ARID2: variants seen among roughly 807,000 people sequenced by gnomAD.
ARID2 encodes AT-rich interaction domain 2.
A neutral mutation model predicts 184.6 loss-of-function variants in ARID2; 32 were observed. The ratio of observed to expected loss-of-function variants is 0.17; its 90% confidence interval spans 0.13 to 0.23. ARID2 has a LOEUF of 0.23. Ranked by LOEUF, ARID2 falls within the 10% of genes least tolerant of loss-of-function variation. The probability of loss-of-function intolerance (pLI) is 1.00; values close to 1 mark genes in which losing one functional copy is unlikely to be tolerated. For synonymous variants in ARID2, 836 were observed against 772.6 expected (o/e 1.08, Z -1.36); for missense variants, 1,696 against 2,197.6 (o/e 0.77, Z 4.56).
chr12:45,839,610 C>G, intron 11 of ARID2, 114 bp downstream of exon 11: 1 of 1,235,538 alleles, frequency 8.1e-7, no homozygotes, highest in Non-Finnish European at 1.1e-6. Flanking sequence ...TATAGTAGGC[C>G]AAAGTGGAAT....
At chr12:45,804,029 A>G (rs1396635698) in intron 3 of ARID2, among the ~76,000 whole-genome samples, 1 of 152,186 alleles carries the variant, frequency 6.6e-6, no homozygotes, top group Non-Finnish European at 1.5e-5. Context: ...GAGAGGAGAC[A>G]GTGTCAATGC....
At chr12:45,797,423 T>C (rs1942410946) in intron 3 of ARID2, among the ~76,000 whole-genome samples, 1 of 151,992 alleles carries the variant, frequency 6.6e-6, no homozygotes. Flanking sequence ...TTAGTAGAGA[T>C]GGGTTTCGCC....
intron 3 of ARID2, among the ~76,000 whole-genome samples, chr12:45,735,381 C>T (rs1338424492): frequency 1.3e-5 from 2 of 150,504 alleles, no homozygotes; most frequent in Non-Finnish European, 3.0e-5. Flanking sequence ...ATAAGTTATT[C>T]ATGCATGTAT....
chr12:45,811,579 A>T (rs369618474), intron 4 of ARID2, 28 bp downstream of exon 4: 1 of 1,607,066 alleles, frequency 6.2e-7, no homozygotes, highest in Non-Finnish European at 8.5e-7. Context: ...TTAACAGGAT[A>T]TATGTCCGCA....
At position 45,846,786 on chromosome 12, in the gene ARID2, A is replaced by T. The variant is rs991602389; in HGVS notation, c.1499-70A>T. The T allele has an allele frequency of 2.1e-6, 3 of 1,457,924 alleles. No homozygotes were observed. In the African/African-American group the frequency reaches 4.2e-5, roughly 20 times the overall value. The allele number at this position is 1,457,924 out of a possible 1,614,324, so 90.3% of individuals were successfully genotyped here. A position where few individuals can be genotyped will look rare whatever the true frequency, so the allele number is the denominator to read the frequency against. On this transcript the variant is annotated intron_variant, in intron 11 of 20. Transcript: ENST00000334344. Reference sequence around the variant, plus strand: ...CATTGTGTTAATGGGTTCAATATCCATAAAAAAAAGTATGGCAAATAGTGA... The same window carrying T: ...CATTGTGTTAATGGGTTCAATATCCTTAAAAAAAAGTATGGCAAATAGTGA...
intron 11 of ARID2, chr12:45,842,122 G>C (rs987594301): frequency 6.6e-6 from 1 of 151,758 alleles, no homozygotes; most frequent in African/African-American, 2.4e-5. Flanking sequence ...AGCTGAGCAT[G>C]GTGATGCATG....
intron 16 of ARID2, among the ~76,000 whole-genome samples, chr12:45,863,815 C>G (rs1943789975): frequency 1.4e-5 from 2 of 147,062 alleles, no homozygotes; most frequent in South Asian, 4.3e-4. Flanking sequence ...ATTTATAATT[C>G]TCCTTTTTTT....
intron 16 of ARID2, among the ~76,000 whole-genome samples, chr12:45,890,584 ATG>A (rs1394590412): frequency 6.6e-6 from 1 of 152,212 alleles, no homozygotes; most frequent in Non-Finnish European, 1.5e-5. Flanking sequence ...CTAAAACAAA[ATG>A]TATTTACTGA....
At position 45,852,541 on chromosome 12, in the gene ARID2, C is replaced by T. The variant is rs764728025; in HGVS notation, c.4418C>T (p.Ser1473Phe). 1.2e-5 allele frequency: 19 copies of T among 1,614,162 alleles called. 1 individual carries two copies. The South Asian group carries it at 1.8e-4, about 15-fold the overall frequency. The change falls in exon 15 of 21, where the codon TCT (serine) becomes TTT (phenylalanine). Residue 1473 changes from serine (S) to phenylalanine (F), a missense_variant. Ser to Phe is a radical substitution (Grantham distance 155). Coordinates refer to ENST00000334344, the MANE Select transcript of ARID2 (RefSeq NM_152641.4). ...CCAAGTGTAGTTGTCTCACCACATT[C>T]TACAACCTCTGTTATACAGGGACAT... ...QRPSVVVSPH[S>F]TTSVIQGHQI...
At chr12:45,825,523 T>A (rs1942979441) in intron 6 of ARID2, among the ~76,000 whole-genome samples, 1 of 152,200 alleles carries the variant, frequency 6.6e-6, no homozygotes, top group South Asian at 2.1e-4. Flanking sequence ...CAAAAACTGC[T>A]AATGATAAGC....
At chr12:45,749,177 A>G (rs967993692) in intron 3 of ARID2, among the ~76,000 whole-genome samples, 1 of 151,962 alleles carries the variant, frequency 6.6e-6, no homozygotes, top group Non-Finnish European at 1.5e-5. Flanking sequence ...AGTCAAAATG[A>G]CTCCTTGTTC....
intron 3 of ARID2, among the ~76,000 whole-genome samples, chr12:45,806,338 A>G (rs977040623): frequency 1.3e-5 from 2 of 152,090 alleles, no homozygotes; most frequent in African/African-American, 4.8e-5. Context: ...CTGGTGACCC[A>G]TGTACCCGGA....
intron 20 of ARID2, among the ~76,000 whole-genome samples, chr12:45,899,822 G>A (rs1944433684): frequency 6.7e-6 from 1 of 149,194 alleles, no homozygotes; most frequent in African/African-American, 2.5e-5. Context: ...AACAATTTGA[G>A]CTAGTGCAAT....
intron 20 of ARID2, among the ~76,000 whole-genome samples, chr12:45,899,715 ATATATATGGT>A: frequency 2.8e-5 from 4 of 141,934 alleles, no homozygotes; most frequent in African/African-American, 1.0e-4. Flanking sequence ...ATATGGTTAT[ATATATATGGT>A]TATATATATA....
chr12:45,800,788 A>T (rs772799779), intron 3 of ARID2, among the ~76,000 whole-genome samples: 36 of 152,288 alleles, frequency 2.4e-4, no homozygotes, highest in Non-Finnish European at 4.7e-4. Flanking sequence ...CATCAAAAGT[A>T]CATAGGAGCC....
chr12:45,741,945 T>C (rs1337777057), intron 3 of ARID2, among the ~76,000 whole-genome samples: 1 of 152,244 alleles, frequency 6.6e-6, no homozygotes, highest in African/African-American at 2.4e-5. Flanking sequence ...CTGATACTTC[T>C]AATTGCACTC....
At chr12:45,901,904 C>T (rs1012295764) in intron 20 of ARID2, among the ~76,000 whole-genome samples, 2 of 151,910 alleles carry the variant, frequency 1.3e-5, no homozygotes, top group Non-Finnish European at 2.9e-5. Flanking sequence ...TCTTGAACTC[C>T]TCAACTCAAG....
chr12:45,738,082 G>T (rs930850645), intron 3 of ARID2, among the ~76,000 whole-genome samples: 6 of 150,798 alleles, frequency 4.0e-5, no homozygotes, highest in African/African-American at 1.5e-4. Flanking sequence ...TATATGTATG[G>T]TTTTTTTTTC....
chr12:45,829,134 T>C (rs1480534590), intron 6 of ARID2, among the ~76,000 whole-genome samples: 2 of 152,094 alleles, frequency 1.3e-5, no homozygotes, highest in Non-Finnish European at 2.9e-5. Flanking sequence ...GATACCCACT[T>C]GAACCTACAA....
Sources: allele counts gnomAD v4.1 joint callset (sites outside exome capture counted in the v4.1 genomes callset), GRCh38; gene constraint gnomAD v4.1.1; transcripts MANE v1.5; gene names NCBI Gene and HGNC (gene_info 2026-07-23, HGNC 2026-07-21).